Variants in TSPAN5 observed in about 807,000 individuals in gnomAD.
TSPAN5 encodes tetraspanin 5, also known as tetraspanin-5.
Under a neutral mutation model 37.1 loss-of-function variants are expected in TSPAN5, and 10 were observed. The ratio of observed to expected loss-of-function variants is 0.27; its 90% CI spans 0.17 to 0.46. The LOEUF (loss-of-function observed/expected upper bound fraction) is 0.46. TSPAN5 is among the 20% of genes least tolerant of loss of function. The pLI, the probability that TSPAN5 is intolerant of heterozygous loss-of-function variation, is 1.00. For missense variants in TSPAN5, 195 were observed against 326.6 expected (o/e 0.60, Z 3.11); for synonymous variants, 110 against 118.9 (o/e 0.93, Z 0.48).
chr4:98,598,136 G>A lies in TSPAN5; in HGVS notation c.81+60010C>T, dbSNP rs1211336778. On this transcript the variant is annotated intron_variant, in intron 1 of 7. Transcript: ENST00000305798. Reference sequence around the variant, plus strand: ...TGAGCCAGGTGTGGGATATAGTCTCGTGGTGCGCCATTTCTTAAGCCAGTC... The same window carrying A: ...TGAGCCAGGTGTGGGATATAGTCTCATGGTGCGCCATTTCTTAAGCCAGTC... 7.2e-5 allele frequency among the ~76,000 whole-genome samples: 9 copies of A among 124,812 alleles called. No individual in the cohort carries two copies. In the East Asian group the frequency reaches 8.8e-4, roughly 12 times the overall value. 81.9% of individuals were successfully genotyped at this position (124,812 alleles called of 152,430 possible).
intron 1 of TSPAN5, among the ~76,000 whole-genome samples, chr4:98,656,532 T>C (rs1347526957): frequency 2.0e-5 from 3 of 152,200 alleles, no homozygotes; most frequent in Non-Finnish European, 4.4e-5. Flanking sequence ...TTTTCACAAA[T>C]GGAGAAGGGG....
At chr4:98,516,261 A>G (rs940198000) in intron 1 of TSPAN5, among the ~76,000 whole-genome samples, 1 of 152,212 alleles carries the variant, frequency 6.6e-6, no homozygotes, top group African/African-American at 2.4e-5. Flanking sequence ...ACTCAGGAAG[A>G]GCTGTTCCAC....
At chr4:98,490,741 T>C (rs1350794305) in intron 2 of TSPAN5, among the ~76,000 whole-genome samples, 1 of 152,218 alleles carries the variant, frequency 6.6e-6, no homozygotes, top group Non-Finnish European at 1.5e-5. Context: ...TATTTTAAAA[T>C]TTTAAAAAAC....
chr4:98,568,850 G>A (rs534544340), intron 1 of TSPAN5, among the ~76,000 whole-genome samples: 17 of 152,322 alleles, frequency 1.1e-4, no homozygotes, highest in Admixed American at 3.9e-4. Context: ...AATCAGAAGG[G>A]CTTGGTCAGA....
intron 1 of TSPAN5, among the ~76,000 whole-genome samples, chr4:98,643,702 G>A (rs976866200): frequency 2.6e-5 from 4 of 152,144 alleles, no homozygotes; most frequent in South Asian, 2.1e-4. Context: ...TATTAATCTT[G>A]CAGGGTCAGG....
chr4:98,504,749 C>T (rs866431982), intron 2 of TSPAN5, among the ~76,000 whole-genome samples: 7 of 152,084 alleles, frequency 4.6e-5, no homozygotes, highest in African/African-American at 1.7e-4. Context: ...ACTCAGTTGG[C>T]CAACATCACA....
At chr4:98,626,264 G>A (rs1206148650) in intron 1 of TSPAN5, among the ~76,000 whole-genome samples, 4 of 152,240 alleles carry the variant, frequency 2.6e-5, no homozygotes, top group South Asian at 2.1e-4. Flanking sequence ...AGACCACTGA[G>A]TCCCCTTTAT....
chr4:98,601,987 G>A (rs1454600982), intron 1 of TSPAN5, among the ~76,000 whole-genome samples: 1 of 152,146 alleles, frequency 6.6e-6, no homozygotes, highest in Non-Finnish European at 1.5e-5. Flanking sequence ...GTGGAGCAGT[G>A]AGAACACACA....
intron 1 of TSPAN5, among the ~76,000 whole-genome samples, chr4:98,535,340 A>G (rs1754206223): frequency 6.6e-6 from 1 of 152,088 alleles, no homozygotes; most frequent in Non-Finnish European, 1.5e-5. Context: ...TCTTTTCTTT[A>G]AGAATGTTGA....
At chr4:98,533,417 G>C (rs1754146284) in intron 1 of TSPAN5, among the ~76,000 whole-genome samples, 1 of 151,742 alleles carries the variant, frequency 6.6e-6, no homozygotes, top group Admixed American at 6.6e-5. Flanking sequence ...AGACTTGTGG[G>C]GGGTGTTATG....
chr4:98,589,201 C>A (rs1453732603), intron 1 of TSPAN5, among the ~76,000 whole-genome samples: 1 of 152,182 alleles, frequency 6.6e-6, no homozygotes, highest in African/African-American at 2.4e-5. Context: ...ATCCTTAATG[C>A]CAGACAGTTG....
intron 1 of TSPAN5, among the ~76,000 whole-genome samples, chr4:98,576,634 T>C (rs1160524338): frequency 1.3e-5 from 2 of 152,130 alleles, no homozygotes; most frequent in Non-Finnish European, 2.9e-5. Context: ...GAGGGTCACT[T>C]GGGCCCAGGA....
intron 1 of TSPAN5, among the ~76,000 whole-genome samples, chr4:98,556,905 C>A (rs1351043596): frequency 1.3e-5 from 2 of 152,128 alleles, no homozygotes; most frequent in Non-Finnish European, 2.9e-5. Context: ...AGTTTATACT[C>A]ATCAAAAAGT....
chr4:98,540,359 T>C (rs1754330325), intron 1 of TSPAN5, among the ~76,000 whole-genome samples: 1 of 151,926 alleles, frequency 6.6e-6, no homozygotes. Context: ...TTTTTTGAGA[T>C]GGAGTCTCAC....
intron 7 of TSPAN5, among the ~76,000 whole-genome samples, chr4:98,475,555 C>T (rs1304746844): frequency 2.0e-5 from 3 of 152,178 alleles, no homozygotes; most frequent in Non-Finnish European, 4.4e-5. Context: ...ACTCAGTTGC[C>T]ACAATGCAGT....
At chr4:98,491,981 C>T (rs1753095942) in intron 2 of TSPAN5, among the ~76,000 whole-genome samples, 1 of 152,130 alleles carries the variant, frequency 6.6e-6, no homozygotes, top group Admixed American at 6.6e-5. Flanking sequence ...CACAGTAAAT[C>T]CTTAGGAATG....
At chr4:98,555,091 G>T (rs1300061702) in intron 1 of TSPAN5, among the ~76,000 whole-genome samples, 1 of 152,114 alleles carries the variant, frequency 6.6e-6, no homozygotes, top group Non-Finnish European at 1.5e-5. Flanking sequence ...AGCGTGGGTG[G>T]TTACTGCTTC....
intron 1 of TSPAN5, among the ~76,000 whole-genome samples, chr4:98,543,589 T>C (rs1214141893): frequency 7.2e-5 from 11 of 151,734 alleles, no homozygotes; most frequent in African/African-American, 2.7e-4. Context: ...CTAATTTTTT[T>C]TTGTATTTTT....
intron 1 of TSPAN5, among the ~76,000 whole-genome samples, chr4:98,514,393 G>A (rs1010387231): frequency 6.6e-6 from 1 of 152,078 alleles, no homozygotes; most frequent in African/African-American, 2.4e-5. Context: ...ATAGAGGAGG[G>A]ACTTATTTCA....
Sources: allele counts gnomAD v4.1 joint callset (sites outside exome capture counted in the v4.1 genomes callset), GRCh38; gene constraint gnomAD v4.1.1; transcripts MANE v1.5; gene names NCBI Gene and HGNC (gene_info 2026-07-23, HGNC 2026-07-21).